Variants in COL24A1 observed in about 807,000 individuals in gnomAD.
The protein encoded by COL24A1 is collagen type XXIV alpha 1 chain.
COL24A1 carries 224 observed loss-of-function variants against 253.9 expected under a neutral mutation model. The observed-to-expected ratio is 0.88, with a 90% CI of 0.79 to 0.99. COL24A1 has a LOEUF of 0.99. Ranked by LOEUF, COL24A1 falls within the 50% of genes least tolerant of loss-of-function variation. The pLI, the probability that COL24A1 is intolerant of heterozygous loss-of-function variation, is 0.00. For missense variants in COL24A1, 2,131 were observed against 2,068.5 expected (o/e 1.03, Z -0.59); for synonymous variants, 685 against 673.7 (o/e 1.02, Z -0.26).
intron 12 of COL24A1, among the ~76,000 whole-genome samples, chr1:86,043,235 TA>T (rs1387623746): frequency 6.6e-6 from 1 of 152,116 alleles, no homozygotes; most frequent in Non-Finnish European, 1.5e-5. Context: ...TCCATGCTCA[TA>T]AGACTGACTA....
chr1:85,951,146 T>C (rs926184482), intron 24 of COL24A1, among the ~76,000 whole-genome samples: 5 of 152,236 alleles, frequency 3.3e-5, no homozygotes, highest in Non-Finnish European at 5.9e-5. Context: ...TTACCTTTCA[T>C]TTCTTAATTT....
At chr1:85,942,143 T>C (rs1450811548) in intron 24 of COL24A1, among the ~76,000 whole-genome samples, 3 of 152,196 alleles carry the variant, frequency 2.0e-5, no homozygotes, top group Non-Finnish European at 2.9e-5. Context: ...CTTTAGGCAA[T>C]AATAAATCTT....
chr1:85,882,594 T>C (rs1356814038), intron 32 of COL24A1, among the ~76,000 whole-genome samples: 1 of 152,144 alleles, frequency 6.6e-6, no homozygotes, highest in Non-Finnish European at 1.5e-5. Flanking sequence ...TCTACTGTTG[T>C]TGGATAACAT....
intron 28 of COL24A1, among the ~76,000 whole-genome samples, chr1:85,897,041 C>T (rs1321124823): frequency 6.6e-6 from 1 of 152,180 alleles, no homozygotes; most frequent in Non-Finnish European, 1.5e-5. Context: ...TCTTAATCAA[C>T]TCTAAATTAA....
In COL24A1 at chr1:85,927,848, C is replaced by G. The variant is rs373807732; in HGVS notation, c.2563-16415G>C. ...CTGACACCTCACATGGCAGGGTATT[C>G]CAACAGACCTGCAGCTGAGGGTCCT... On this transcript the variant is annotated intron_variant, in intron 24 of 59. Coordinates refer to ENST00000370571, the MANE Select transcript of COL24A1 (RefSeq NM_152890.7). 3.6e-4 allele frequency among the ~76,000 whole-genome samples: 48 copies of G among 132,742 alleles called. 1 individual carries two copies. The East Asian group carries it at 0.011, about 31-fold the overall frequency. 87.1% of individuals were successfully genotyped at this position (132,742 alleles called of 152,430 possible).
chr1:85,854,652 CTTG>C (rs1678212118), intron 37 of COL24A1, among the ~76,000 whole-genome samples: 1 of 150,780 alleles, frequency 6.6e-6, no homozygotes, highest in African/African-American at 2.4e-5. Flanking sequence ...TCAGCAGTGT[CTTG>C]TAATTCTAAT....
At chr1:85,842,035 C>G in intron 41 of COL24A1, 33 bp downstream of exon 41, 1 of 1,583,268 alleles carries the variant, frequency 6.3e-7, no homozygotes, top group Non-Finnish European at 8.7e-7. Flanking sequence ...CAATGTTTAA[C>G]TTTAAGATTA....
intron 53 of COL24A1, among the ~76,000 whole-genome samples, chr1:85,765,543 G>GA (rs5775867): frequency 0.07 from 10,080 of 143,954 alleles, 460 homozygotes; most frequent in East Asian, 0.22. Context: ...TGTCTCTACC[G>GA]AAAAAAAAAA....
intron 2 of COL24A1, among the ~76,000 whole-genome samples, chr1:86,143,400 A>G (rs1161656124): frequency 2.0e-5 from 3 of 152,200 alleles, no homozygotes; most frequent in African/African-American, 7.2e-5. Context: ...ATAGTGACAT[A>G]GAACATAAAG....
chr1:86,076,846 G>A (rs1702289272), intron 7 of COL24A1, among the ~76,000 whole-genome samples: 2 of 152,184 alleles, frequency 1.3e-5, no homozygotes, highest in Non-Finnish European at 2.9e-5. Flanking sequence ...ATTAACTCAA[G>A]ATGGATTACA....
At chr1:85,779,067 G>T (rs72950630) in intron 52 of COL24A1, among the ~76,000 whole-genome samples, 3,100 of 152,004 alleles carry the variant, frequency 0.02, 100 homozygotes, top group African/African-American at 0.071. Flanking sequence ...AGTGCAGTGG[G>T]TGCAGTCAAC....
chr1:85,947,666 G>A (rs969173632), intron 24 of COL24A1, among the ~76,000 whole-genome samples: 4 of 152,316 alleles, frequency 2.6e-5, no homozygotes, highest in African/African-American at 9.6e-5. Flanking sequence ...CAGTGTAACT[G>A]ATTGAACTTC....
At position 86,089,606 on chromosome 1, in the gene COL24A1, G is replaced by A. The variant is rs555244169; in HGVS notation, c.1654-379C>T. 5.3e-5 allele frequency among the ~76,000 whole-genome samples: 8 copies of A among 152,244 alleles called. No individual in the cohort carries two copies. In the South Asian group the frequency reaches 1.2e-3, roughly 24 times the overall value. On this transcript the variant is annotated intron_variant, in intron 6 of 59. Transcript: ENST00000370571. ...AGGCCGAGACAGGTGGACTGCTTGA[G>A]GCCAGGAGTTCAAAACCAGCCTGGC... is the stretch of plus-strand genomic sequence containing the variant.
intron 28 of COL24A1, among the ~76,000 whole-genome samples, chr1:85,899,949 T>C (rs1415032212): frequency 6.6e-6 from 1 of 152,150 alleles, no homozygotes; most frequent in African/African-American, 2.4e-5. Flanking sequence ...GTTTATAATA[T>C]TTTTTCAAAT....
At chr1:85,951,383 G>A (rs781107514) in intron 24 of COL24A1, among the ~76,000 whole-genome samples, 22 of 152,132 alleles carry the variant, frequency 1.4e-4, no homozygotes, top group Admixed American at 5.2e-4. Flanking sequence ...TGGTTGAGAA[G>A]GTAATTTAAG....
chr1:85,813,680 A>T (rs1347681360), intron 47 of COL24A1, among the ~76,000 whole-genome samples: 1 of 147,230 alleles, frequency 6.8e-6, no homozygotes, highest in Non-Finnish European at 1.5e-5. Context: ...CCTCCCAAGT[A>T]GCTGGGACGA....
chr1:85,920,977 A>T (rs1686399734), intron 24 of COL24A1, among the ~76,000 whole-genome samples: 1 of 152,184 alleles, frequency 6.6e-6, no homozygotes, highest in African/African-American at 2.4e-5. Flanking sequence ...GAAAGAGTCA[A>T]ATAGTCATGT....
At chr1:86,105,333 C>T (rs1000238744) in intron 5 of COL24A1, among the ~76,000 whole-genome samples, 1 of 152,128 alleles carries the variant, frequency 6.6e-6, no homozygotes, top group African/African-American at 2.4e-5. Flanking sequence ...CGGGGAGTGG[C>T]CATGGAACCT....
intron 53 of COL24A1, among the ~76,000 whole-genome samples, chr1:85,764,809 T>C (rs1328383848): frequency 6.6e-6 from 1 of 152,126 alleles, no homozygotes; most frequent in Non-Finnish European, 1.5e-5. Flanking sequence ...ACGGGAGTCT[T>C]GCTATGCTAC....
Sources: gnomAD v4.1 joint callset for allele counts (sites outside exome capture counted in the v4.1 genomes callset) on GRCh38, gnomAD v4.1.1 for gene constraint, MANE v1.5 for transcripts, NCBI Gene and HGNC (gene_info 2026-07-23, HGNC 2026-07-21) for gene names.